EPB41L4B: variants seen among roughly 807,000 people sequenced by gnomAD.
EPB41L4B encodes the protein erythrocyte membrane protein band 4.1 like 4B, also known as band 4.1-like protein 4B.
Under a neutral mutation model 112.5 loss-of-function variants are expected in EPB41L4B, and 30 were observed. The observed-to-expected ratio is 0.27, with a 90% CI of 0.20 to 0.36. The LOEUF (loss-of-function observed/expected upper bound fraction) is 0.36. Among genes scored for constraint, EPB41L4B ranks in the 10% least tolerant of loss-of-function variants. The pLI, the probability that EPB41L4B is intolerant of heterozygous loss-of-function variation, is 1.00. For missense variants in EPB41L4B, 1,024 were observed against 1,133.3 expected, an observed-to-expected ratio of 0.90 and a Z score of 1.38; for synonymous variants, 408 against 439.7, an observed-to-expected ratio of 0.93 and a Z score of 0.90.
intron 1 of EPB41L4B, among the ~76,000 whole-genome samples, chr9:109,311,422 G>A (rs1188386035): frequency 6.6e-6 from 1 of 152,154 alleles, no homozygotes; most frequent in Non-Finnish European, 1.5e-5. Context: ...GAACCAGGCA[G>A]TTGGCATCCT....
chr9:109,265,447 A>G (rs942299466), intron 4 of EPB41L4B, among the ~76,000 whole-genome samples: 5 of 152,224 alleles, frequency 3.3e-5, no homozygotes, highest in African/African-American at 4.8e-5. Flanking sequence ...GATTGTAACA[A>G]AAAGTTTGCA....
chr9:109,278,689 C>G (rs1025288061), intron 2 of EPB41L4B, among the ~76,000 whole-genome samples: 4 of 152,144 alleles, frequency 2.6e-5, no homozygotes, highest in African/African-American at 9.7e-5. Flanking sequence ...CCACCCTTTC[C>G]TCGCCTTTAT....
chr9:109,280,430 C>T (rs959768873), intron 1 of EPB41L4B, among the ~76,000 whole-genome samples: 2 of 152,194 alleles, frequency 1.3e-5, no homozygotes, highest in Non-Finnish European at 2.9e-5. Context: ...AGGACTCAAA[C>T]TCAAATTCCA....
chr9:109,288,201 A>G (rs1249112900), intron 1 of EPB41L4B, among the ~76,000 whole-genome samples: 19 of 152,248 alleles, frequency 1.2e-4, no homozygotes, highest in Admixed American at 1.2e-3. Context: ...GAGAGGATGC[A>G]GCAACAGGGT....
At chr9:109,226,685 AATATATATATG>A (rs1833780095) in intron 15 of EPB41L4B, among the ~76,000 whole-genome samples, 1 of 65,184 alleles carries the variant, frequency 1.5e-5, no homozygotes, top group African/African-American at 6.0e-5. Flanking sequence ...ATATATGAAG[AATATATATATG>A]AATATATATA....
chr9:109,200,383 G>T (rs770437169), intron 19 of EPB41L4B, 49 bp from the exon 20 acceptor site: 2 of 1,483,138 alleles, frequency 1.3e-6, no homozygotes, highest in South Asian at 2.3e-5. Flanking sequence ...AAGGTTTATG[G>T]TCTCGTTTTA....
Position 109,211,810 on chromosome 9 carries a change from G to A in EPB41L4B, c.1752+1890C>T, listed in dbSNP as rs1430630952. On this transcript the variant is annotated intron_variant, in intron 17 of 25. Transcript: ENST00000374566. ...AGCTCACTGCAACCTCTGTCTCGTG[G>A]GTTCAAGCGATTCTTCTGCCTCAGC... 4.8e-5 allele frequency among the ~76,000 whole-genome samples: 7 copies of A among 146,858 alleles called. No individual in the cohort carries two copies. The Admixed American group carries it at 4.8e-4, about 10-fold the overall frequency.
intron 2 of EPB41L4B, among the ~76,000 whole-genome samples, chr9:109,271,647 G>A (rs1450872015): frequency 1.3e-5 from 2 of 152,194 alleles, no homozygotes; most frequent in Non-Finnish European, 2.9e-5. Flanking sequence ...GTATTCAGCA[G>A]CGGCGGGACC....
At chr9:109,249,317 C>T (rs560991759) in intron 13 of EPB41L4B, among the ~76,000 whole-genome samples, 9 of 151,920 alleles carry the variant, frequency 5.9e-5, no homozygotes, top group South Asian at 2.1e-4. Flanking sequence ...TTAAGCGTTC[C>T]GCAAGGTGCT....
chr9:109,264,868 C>T (rs1050735012), intron 5 of EPB41L4B, 112 bp downstream of exon 5: 1 of 951,314 alleles, frequency 1.1e-6, no homozygotes, highest in African/African-American at 1.7e-5. Context: ...GCCTGGTGCA[C>T]TTTTTTTGAA....
intron 2 of EPB41L4B, among the ~76,000 whole-genome samples, chr9:109,278,699 T>C (rs1835927166): frequency 6.6e-6 from 1 of 152,204 alleles, no homozygotes; most frequent in Non-Finnish European, 1.5e-5. Context: ...CTCGCCTTTA[T>C]TTTTCTTGAC....
intron 1 of EPB41L4B, among the ~76,000 whole-genome samples, chr9:109,318,418 G>A (rs1837716302): frequency 1.3e-5 from 2 of 152,080 alleles, no homozygotes; most frequent in African/African-American, 4.8e-5. Flanking sequence ...ACCTGTTTGG[G>A]TCTATTCACC....
In EPB41L4B at chr9:109,182,781, A is replaced by G; in HGVS notation, c.2435T>C (p.Val812Ala). 6.2e-7 allele frequency: 1 copy of G among 1,612,144 alleles called. No homozygotes were observed. ...IKTRLIKTFP[V>A]DTMNPFPDTF... The stretch of plus-strand genomic sequence containing the variant: ...ATCAGGAAACGGGTTCATTGTATCA[A>G]CCGGGAATGTTTTTATCTTCAAAAG... Residue 812 changes from valine (V) to alanine (A), a missense_variant, in exon 24 of 26, where the codon GTT becomes GCT. Val to Ala is a moderately conservative substitution (Grantham distance 64). Transcript: ENST00000374566.
intron 1 of EPB41L4B, chr9:109,301,204 A>AG (rs1836953711): frequency 6.6e-6 from 1 of 152,222 alleles, no homozygotes; most frequent in African/African-American, 2.4e-5. Flanking sequence ...ACTTCTCAGA[A>AG]GGAGGAATCA....
intron 17 of EPB41L4B, among the ~76,000 whole-genome samples, chr9:109,213,128 C>T (rs1833241772): frequency 6.6e-6 from 1 of 152,172 alleles, no homozygotes; most frequent in Non-Finnish European, 1.5e-5. Context: ...AGTCATTTCC[C>T]TTCCTCTGGT....
chr9:109,251,847 C>A (rs529582752), intron 12 of EPB41L4B, among the ~76,000 whole-genome samples: 109 of 152,222 alleles, frequency 7.2e-4, no homozygotes, highest in Non-Finnish European at 1.4e-3. Flanking sequence ...AAACAGCACA[C>A]GGTGATCAGG....
intron 1 of EPB41L4B, among the ~76,000 whole-genome samples, chr9:109,309,939 C>T (rs1009162242): frequency 6.6e-6 from 1 of 152,184 alleles, no homozygotes. Flanking sequence ...GAAGCTTTTA[C>T]ATGCTGTGGG....
At chr9:109,238,677 A>C (rs1033169371) in intron 15 of EPB41L4B, among the ~76,000 whole-genome samples, 1 of 152,102 alleles carries the variant, frequency 6.6e-6, no homozygotes, top group Non-Finnish European at 1.5e-5. Context: ...GTAGAAAGGG[A>C]GGGGGTTATT....
chr9:109,182,132 C>T (rs1832082567), intron 24 of EPB41L4B, among the ~76,000 whole-genome samples: 1 of 152,182 alleles, frequency 6.6e-6, no homozygotes. Flanking sequence ...ACACTTGAAC[C>T]TGGGAGGTGG....
Sources: allele counts gnomAD v4.1 joint callset (sites outside exome capture counted in the v4.1 genomes callset), GRCh38; gene constraint gnomAD v4.1.1; transcripts MANE v1.5; gene names NCBI Gene and HGNC (gene_info 2026-07-23, HGNC 2026-07-21).